Variants in CS observed in about 807,000 individuals in gnomAD.
CS encodes citrate synthase, also known as citrate synthase, mitochondrial.
In CS, 13 loss-of-function variants were observed where a neutral mutation model predicts 61.4. That is an observed-to-expected ratio of 0.21 (90% CI 0.14 to 0.34). CS has a LOEUF of 0.34. Ranked by LOEUF, CS falls within the 10% of genes least tolerant of loss-of-function variation. CS has a pLI of 1.00. For synonymous variants in CS, 159 were observed against 215.2 expected, an observed-to-expected ratio of 0.74 and a Z score of 2.29; for missense variants, 278 against 573.4, an observed-to-expected ratio of 0.48 and a Z score of 5.26.
In CS at chr12:56,276,157, T is replaced by C; in HGVS notation, c.627A>G (p.Leu209=). 1 of 1,614,044 alleles carries C rather than the reference T, an allele frequency of 6.2e-7. No homozygotes were observed. The highest frequency in any genetic ancestry group is 8.5e-7 in the Non-Finnish European group (1 of 1,180,022). Residue 209 remains leucine (L), a synonymous_variant, in exon 7 of 11, where the codon CTA becomes CTG. Coordinates refer to ENST00000351328, the MANE Select transcript of CS (RefSeq NM_004077.3). ...GGTAGATCTTTGCTGCAACACAAGGTAGCTTTGCGATTAGATCCATAGAGT... is the reference window on the plus strand; with the variant it reads ...GGTAGATCTTTGCTGCAACACAAGGCAGCTTTGCGATTAGATCCATAGAGT... ...YEDSMDLIAK[L]PCVAAKIYRN...
chr12:56,293,905 C>T (rs961554095), intron 1 of CS, among the ~76,000 whole-genome samples: 3 of 152,214 alleles, frequency 2.0e-5, no homozygotes, highest in Non-Finnish European at 4.4e-5. Flanking sequence ...ACTACAGACA[C>T]TTCCAATGCA....
At position 56,286,066 on chromosome 12, in the gene CS, T is replaced by C. The variant is rs763229993; in HGVS notation, c.94-43A>G. On this transcript the variant is annotated intron_variant, in intron 2 of 10. Transcript: ENST00000351328. ...AGGACTAAGCAATGGTCTAAAAGTT[T>C]ATTAGATTTCCTGCAAAGTAGGTGT... is the stretch of plus-strand genomic sequence containing the variant. 1.6e-5 allele frequency: 24 copies of C among 1,528,780 alleles called. No individual in the cohort carries two copies. In the Middle Eastern group the frequency reaches 5.1e-4, roughly 32 times the overall value. 94.7% of individuals were successfully genotyped at this position (1,528,780 alleles called of 1,614,324 possible). A position where few individuals can be genotyped will look rare whatever the true frequency, so the allele number is the denominator to read the frequency against.
At chr12:56,300,037 G>T in intron 1 of CS, 123 bp downstream of exon 1, 1 of 925,464 alleles carries the variant, frequency 1.1e-6, no homozygotes, top group Non-Finnish European at 1.6e-6. Flanking sequence ...GGCCAGCCAA[G>T]CGCAGGGCCC....
At chr12:56,283,748 C>T (rs767049147) in intron 4 of CS, 44 bp downstream of exon 4, 2 of 1,487,514 alleles carry the variant, frequency 1.3e-6, no homozygotes, top group Non-Finnish European at 1.9e-6. Context: ...TGCGTATTTG[C>T]ACAAACTCAA....
intron 1 of CS, among the ~76,000 whole-genome samples, chr12:56,294,062 G>A (rs1046640877): frequency 2.6e-5 from 4 of 152,186 alleles, no homozygotes; most frequent in African/African-American, 7.2e-5. Flanking sequence ...ACATGGTCAG[G>A]CCACTTAAAA....
At position 56,282,502 on chromosome 12, in the gene CS, C is replaced by G. The variant is rs766020907; in HGVS notation, c.506G>C (p.Ser169Thr). The G allele has an allele frequency of 6.2e-7, 1 of 1,614,104 alleles. No homozygotes were observed. The highest frequency in any genetic ancestry group is 2.2e-5 in the East Asian group (1 of 44,884). ...PTNLHPMSQL[S>T]AAVTALNSES... ...ACTGTTGAGGGCTGTAACAGCTGCACTGAGCTGAGACATGGGGTGTAGATT... is the reference window on the plus strand; with the variant it reads ...ACTGTTGAGGGCTGTAACAGCTGCAGTGAGCTGAGACATGGGGTGTAGATT... Residue 169 changes from serine (S) to threonine (T), a missense_variant, in exon 6 of 11, where the codon AGT becomes ACT. Physicochemically the swap from Ser to Thr is moderately conservative, Grantham distance 58. Coordinates refer to ENST00000351328, the MANE Select transcript of CS (RefSeq NM_004077.3).
intron 1 of CS, chr12:56,298,607 A>AC: frequency 1.0e-6 from 1 of 985,256 alleles, no homozygotes. Context: ...AGGTTTCCTT[A>AC]CCCTTTTCCC....
chr12:56,286,714 TAC>T lies in CS; in HGVS notation c.43-71_43-70del. ...CTCTTTTATATTAACAAGAAGGAAT[TAC>T]AGTGACTCAACCTCTCTCTCTTCAT... On this transcript the variant is annotated intron_variant, in intron 1 of 10. Transcript: ENST00000351328. 9.0e-6 allele frequency: 12 copies of T among 1,335,720 alleles called. No individual in the cohort carries two copies. In the South Asian group the frequency reaches 1.4e-4, roughly 16 times the overall value. 82.7% of individuals were successfully genotyped at this position (1,335,720 alleles called of 1,614,324 possible).
At chr12:56,283,753 A>T (rs1456213501) in intron 4 of CS, 39 bp downstream of exon 4, 16 of 1,515,014 alleles carry the variant, frequency 1.1e-5, no homozygotes, top group African/African-American at 9.6e-5. Flanking sequence ...ATTTGCACAA[A>T]CTCAATGATT....
intron 1 of CS, among the ~76,000 whole-genome samples, chr12:56,287,479 C>CAAAAAA (rs61199207): frequency 2.2e-4 from 10 of 44,736 alleles, no homozygotes; most frequent in Non-Finnish European, 2.8e-4. Context: ...AAGACTCTGT[C>CAAAAAA]AAAAAAAAAA....
chr12:56,272,888 G>A lies in CS; in HGVS notation c.*196C>T. ...ATGATGGGCAACTCATACCAGGCAG[G>A]GGAAGGGAGCTGATTAGGGAAGAAG... On this transcript the variant is annotated 3_prime_UTR_variant, in exon 11 of 11. Coordinates refer to ENST00000351328, the MANE Select transcript of CS (RefSeq NM_004077.3). The A allele has an allele frequency of 1.8e-6, 1 of 542,876 alleles. No homozygotes were observed. The highest frequency in any genetic ancestry group is 3.2e-6 in the Non-Finnish European group (1 of 308,422). 33.6% of individuals were successfully genotyped at this position (542,876 alleles called of 1,614,324 possible).
chr12:56,282,740 C>T lies in CS; in HGVS notation c.399+120G>A, dbSNP rs1237626005. The T allele has an allele frequency of 1.9e-6, 3 of 1,542,368 alleles. No homozygotes were observed. In the African/African-American group the frequency reaches 4.1e-5, roughly 21 times the overall value. On this transcript the variant is annotated intron_variant, in intron 5 of 10. Transcript: ENST00000351328. Reference sequence around the variant, plus strand: ...AATCCATTTATACAGCAGAACTCTGCTGATTCCTTCCCTTCACTACGCATC... The same window carrying T: ...AATCCATTTATACAGCAGAACTCTGTTGATTCCTTCCCTTCACTACGCATC...
intron 6 of CS, among the ~76,000 whole-genome samples, chr12:56,280,116 AC>A (rs933811466): frequency 1.3e-5 from 2 of 151,478 alleles, no homozygotes; most frequent in African/African-American, 4.9e-5. Context: ...ACATGGTGAA[AC>A]TCTATTAAAA....
intron 10 of CS, 124 bp from the exon 11 acceptor site, chr12:56,273,378 C>T (rs1872558058): frequency 1.8e-6 from 2 of 1,108,444 alleles, no homozygotes; most frequent in Non-Finnish European, 2.6e-6. Context: ...CCCAGTCAAC[C>T]TTAAATAGAA....
intron 1 of CS, among the ~76,000 whole-genome samples, chr12:56,297,960 G>A (rs900097768): frequency 2.4e-4 from 37 of 152,144 alleles, no homozygotes; most frequent in African/African-American, 8.4e-4. Flanking sequence ...GAGATTTCCA[G>A]TCCAATAAAC....
Position 56,271,860 on chromosome 12 carries a change from G to A in CS, c.*1224C>T, listed in dbSNP as rs565085051. On this transcript the variant is annotated 3_prime_UTR_variant, in exon 11 of 11. Coordinates refer to ENST00000351328, the MANE Select transcript of CS (RefSeq NM_004077.3). The stretch of plus-strand genomic sequence containing the variant: ...ACAGGCAGGAGTTTGGAGGAAAGAT[G>A]GGGGCACAGCAGGAGTGTATCTTAA... 4.4e-6 allele frequency: 2 copies of A among 456,346 alleles called. No individual in the cohort carries two copies. The highest frequency in any genetic ancestry group is 2.0e-5 in the African/African-American group (1 of 50,186). The allele number at this position is 456,346 out of a possible 1,614,324, so 28.3% of individuals were successfully genotyped here.
chr12:56,298,806 G>C (rs571053155), intron 1 of CS: 2 of 302,528 alleles, frequency 6.6e-6, no homozygotes, highest in African/African-American at 4.5e-5. Context: ...TTGGGAGGCC[G>C]AGGCAGGAAG....
Position 56,272,963 on chromosome 12 carries a change from A to AT in CS, c.*120dup, listed in dbSNP as rs1288061736. 3.1e-6 allele frequency: 2 copies of AT among 635,226 alleles called. No individual in the cohort carries two copies. Among genetic ancestry groups the AT allele is most frequent in the African/African-American group, 3.7e-5 (2 of 54,082 alleles). The allele number at this position is 635,226 out of a possible 1,614,324, so 39.3% of individuals were successfully genotyped here. ...CTTAATTTATATTTTAACCTCAAAC[A>AT]TATTATCAGTGCCTCAGATATAATT... On this transcript the variant is annotated 3_prime_UTR_variant, in exon 11 of 11. Coordinates refer to ENST00000351328, the MANE Select transcript of CS (RefSeq NM_004077.3).
intron 3 of CS, among the ~76,000 whole-genome samples, 182 bp downstream of exon 3, chr12:56,285,734 A>G (rs536208486): frequency 3.3e-5 from 5 of 152,222 alleles, no homozygotes; most frequent in Admixed American, 2.0e-4. Context: ...AATAAGCTAA[A>G]AACTGTTGAG....
Sources: gnomAD v4.1 joint callset for allele counts (sites outside exome capture counted in the v4.1 genomes callset) on GRCh38, gnomAD v4.1.1 for gene constraint, MANE v1.5 for transcripts, NCBI Gene and HGNC (gene_info 2026-07-23, HGNC 2026-07-21) for gene names.